The following NELL1 variants were observed in gnomAD, a reference collection of about 807,000 sequenced individuals.
The protein encoded by NELL1 is neural EGFL like 1, also known as protein kinase C-binding protein NELL1.
In NELL1, 76 loss-of-function variants were observed where a neutral mutation model predicts 107.4. That is an observed-to-expected ratio of 0.71 (90% CI 0.59 to 0.86). The LOEUF is 0.86. Among genes scored for constraint, NELL1 ranks in the 40% least tolerant of loss-of-function variants. The pLI is 0.00. For synonymous variants in NELL1, 353 were observed against 341.2 expected, an observed-to-expected ratio of 1.03 and a Z score of -0.38; for missense variants, 1,024 against 1,005.5, an observed-to-expected ratio of 1.02 and a Z score of -0.25.
chr11:20,853,878 TA>T (rs1848834225), intron 4 of NELL1, among the ~76,000 whole-genome samples: 1 of 152,154 alleles, frequency 6.6e-6, no homozygotes, highest in Non-Finnish European at 1.5e-5. Flanking sequence ...AGAATCACTT[TA>T]AAAATTTGTA....
chr11:21,447,467 C>A (rs1202665483), intron 15 of NELL1, among the ~76,000 whole-genome samples: 1 of 152,154 alleles, frequency 6.6e-6, no homozygotes, highest in Non-Finnish European at 1.5e-5. Context: ...TATTCAGGGC[C>A]ATGGGCTCTT....
At chr11:20,843,574 TA>T (rs1848654969) in intron 3 of NELL1, among the ~76,000 whole-genome samples, 1 of 147,434 alleles carries the variant, frequency 6.8e-6, no homozygotes, top group African/African-American at 2.5e-5. Context: ...ATATAAAATA[TA>T]ATATATTTTA....
chr11:20,739,959 G>A (rs760622507), intron 2 of NELL1, among the ~76,000 whole-genome samples: 10 of 152,164 alleles, frequency 6.6e-5, no homozygotes, highest in Non-Finnish European at 1.2e-4. Context: ...GATTCAGAGA[G>A]GGAACTATTT....
chr11:21,083,773 C>T (rs1472729311), intron 12 of NELL1, among the ~76,000 whole-genome samples: 1 of 152,094 alleles, frequency 6.6e-6, no homozygotes, highest in Non-Finnish European at 1.5e-5. Context: ...AAACTTGGGT[C>T]TTATTACTGT....
intron 2 of NELL1, among the ~76,000 whole-genome samples, chr11:20,760,929 A>G (rs778105199): frequency 6.6e-6 from 1 of 152,114 alleles, no homozygotes; most frequent in Admixed American, 6.5e-5. Flanking sequence ...TCGGCCCAAC[A>G]TCTCTAAATG....
intron 15 of NELL1, among the ~76,000 whole-genome samples, chr11:21,376,464 T>C (rs139732501): frequency 6.6e-6 from 1 of 152,296 alleles, no homozygotes; most frequent in Non-Finnish European, 1.5e-5. Context: ...TAATATAGTT[T>C]GTTGTCAGGT....
intron 12 of NELL1, among the ~76,000 whole-genome samples, chr11:21,068,883 G>A (rs941763879): frequency 6.6e-6 from 1 of 152,160 alleles, no homozygotes; most frequent in Admixed American, 6.5e-5. Context: ...AAATAAATGA[G>A]GCTTTCGGGG....
At chr11:20,753,177 G>A (rs904974650) in intron 2 of NELL1, among the ~76,000 whole-genome samples, 4 of 152,164 alleles carry the variant, frequency 2.6e-5, no homozygotes, top group Non-Finnish European at 4.4e-5. Context: ...TTTAGTTTTG[G>A]TCATCCAACT....
At chr11:20,785,378 G>T (rs1032989314) in intron 3 of NELL1, among the ~76,000 whole-genome samples, 1 of 152,224 alleles carries the variant, frequency 6.6e-6, no homozygotes, top group African/African-American at 2.4e-5. Flanking sequence ...ATATGGGTTC[G>T]TTCAAAGGTG....
intron 4 of NELL1, 25 bp from the exon 5 acceptor site, chr11:20,885,419 G>A (rs1849488028): frequency 6.9e-7 from 1 of 1,454,966 alleles, no homozygotes; most frequent in Non-Finnish European, 9.7e-7. Context: ...CTCTCTATTA[G>A]TAACTGTGTT....
chr11:21,079,486 A>C (rs1854215222), intron 12 of NELL1, among the ~76,000 whole-genome samples: 1 of 152,100 alleles, frequency 6.6e-6, no homozygotes, highest in African/African-American at 2.4e-5. Context: ...AGTAGAAAAC[A>C]CTAGTCATGT....
intron 4 of NELL1, among the ~76,000 whole-genome samples, chr11:20,853,919 C>T (rs911217983): frequency 6.6e-6 from 1 of 152,086 alleles, no homozygotes; most frequent in Non-Finnish European, 1.5e-5. Flanking sequence ...GGAAACACCT[C>T]CTCCTGTGTA....
At chr11:21,208,807 A>G (rs760185809) in intron 13 of NELL1, among the ~76,000 whole-genome samples, 10 of 152,308 alleles carry the variant, frequency 6.6e-5, no homozygotes, top group Non-Finnish European at 1.2e-4. Flanking sequence ...TTAAGAATCT[A>G]TAAGCTCTTA....
chr11:20,964,390 C>G (rs764271961), intron 12 of NELL1, among the ~76,000 whole-genome samples: 4 of 152,176 alleles, frequency 2.6e-5, no homozygotes, highest in African/African-American at 4.8e-5. Context: ...ATCATGCCAT[C>G]TGTCAGGTGT....
At chr11:20,672,343 T>A (rs1008034448) in intron 1 of NELL1, among the ~76,000 whole-genome samples, 1 of 152,256 alleles carries the variant, frequency 6.6e-6, no homozygotes, top group African/African-American at 2.4e-5. Context: ...CTAGATGAAA[T>A]AAACATGTGG....
intron 2 of NELL1, among the ~76,000 whole-genome samples, chr11:20,753,660 T>G (rs1318536542): frequency 6.6e-6 from 1 of 152,198 alleles, no homozygotes; most frequent in Non-Finnish European, 1.5e-5. Flanking sequence ...AGAAATTAAT[T>G]AGCTCTTGTT....
intron 15 of NELL1, among the ~76,000 whole-genome samples, chr11:21,533,642 A>G (rs984954741): frequency 2.0e-5 from 3 of 152,154 alleles, no homozygotes; most frequent in African/African-American, 7.2e-5. Flanking sequence ...AGCCTAGACA[A>G]AAACAAACAA....
At chr11:20,997,467 A>G (rs1467811439) in intron 12 of NELL1, among the ~76,000 whole-genome samples, 1 of 152,216 alleles carries the variant, frequency 6.6e-6, no homozygotes, top group Non-Finnish European at 1.5e-5. Context: ...GTGGAACAGA[A>G]TAAGGGCATT....
At chr11:21,437,480 C>T (rs776679668) in intron 15 of NELL1, among the ~76,000 whole-genome samples, 8 of 152,146 alleles carry the variant, frequency 5.3e-5, no homozygotes, top group Non-Finnish European at 8.8e-5. Flanking sequence ...CTGCCTCAGC[C>T]TCTTGAGTAG....
Sources: gnomAD v4.1 joint callset for allele counts (sites outside exome capture counted in the v4.1 genomes callset) on GRCh38, gnomAD v4.1.1 for gene constraint, MANE v1.5 for transcripts, NCBI Gene and HGNC (gene_info 2026-07-23, HGNC 2026-07-21) for gene names.